The following GRID2 variants were observed in gnomAD, a reference collection of about 807,000 sequenced individuals.
GRID2 encodes the protein glutamate ionotropic receptor delta type subunit 2.
Under a neutral mutation model 114.8 loss-of-function variants are expected in GRID2, and 33 were observed. The ratio of observed to expected loss-of-function variants is 0.29; its 90% CI spans 0.22 to 0.38. The LOEUF (loss-of-function observed/expected upper bound fraction) is 0.38. Among genes scored for constraint, GRID2 ranks in the 10% least tolerant of loss-of-function variants. The pLI, the probability that GRID2 is intolerant of heterozygous loss-of-function variation, is 1.00. For missense variants in GRID2, 1,184 were observed against 1,257.7 expected (o/e 0.94, Z 0.89); for synonymous variants, 505 against 449.9 (o/e 1.12, Z -1.55).
intron 1 of GRID2, among the ~76,000 whole-genome samples, chr4:92,557,568 C>T (rs10020583): frequency 0.037 from 5,577 of 149,522 alleles, 342 homozygotes; most frequent in African/African-American, 0.13. Context: ...TAATACTTTA[C>T]TGCAGAAATA....
intron 13 of GRID2, among the ~76,000 whole-genome samples, chr4:93,553,129 A>G (rs1483926142): frequency 6.6e-6 from 1 of 152,152 alleles, no homozygotes; most frequent in Non-Finnish European, 1.5e-5. Flanking sequence ...ATGATTTATA[A>G]TCCTTAGGGT....
intron 4 of GRID2, among the ~76,000 whole-genome samples, chr4:93,197,378 TA>T: frequency 6.6e-6 from 1 of 152,262 alleles, no homozygotes; most frequent in African/African-American, 2.4e-5. Flanking sequence ...TCTTCATATT[TA>T]AAATGCACAT....
At chr4:93,805,007 C>A (rs1735003752) in intron 1 of GRID2, among the ~76,000 whole-genome samples, 1 of 152,118 alleles carries the variant, frequency 6.6e-6, no homozygotes, top group African/African-American at 2.4e-5. Flanking sequence ...ATGTTGTATA[C>A]CAGTGCATTT....
At chr4:92,682,681 GGCACACACAC>G (rs1733705803) in intron 2 of GRID2, among the ~76,000 whole-genome samples, 1 of 108,022 alleles carries the variant, frequency 9.3e-6, no homozygotes, top group South Asian at 3.5e-4. Context: ...AAAATCGCAG[GGCACACACAC>G]ACACACACAC....
At chr4:92,685,086 T>C (rs1209276346) in intron 2 of GRID2, among the ~76,000 whole-genome samples, 2 of 152,052 alleles carry the variant, frequency 1.3e-5, no homozygotes, top group African/African-American at 2.4e-5. Flanking sequence ...TAAATTTATT[T>C]TACTAAATCT....
At chr4:93,723,712 C>T (rs757472417) in intron 14 of GRID2, among the ~76,000 whole-genome samples, 1 of 152,128 alleles carries the variant, frequency 6.6e-6, no homozygotes, top group East Asian at 1.9e-4. Flanking sequence ...ACTAATGGAT[C>T]GATGTAATAG....
At chr4:92,561,186 G>A (rs928329509) in intron 1 of GRID2, among the ~76,000 whole-genome samples, 1 of 152,176 alleles carries the variant, frequency 6.6e-6, no homozygotes, top group Admixed American at 6.5e-5. Context: ...TTGATGTGTG[G>A]AAGTCTTTGA....
chr4:92,569,012 C>T (rs575788132), intron 1 of GRID2, among the ~76,000 whole-genome samples: 6 of 151,858 alleles, frequency 4.0e-5, no homozygotes, highest in South Asian at 2.1e-4. Context: ...CAAGACATGC[C>T]GGCTTGTTAA....
At chr4:93,787,065 A>G (rs931563436) in intron 1 of GRID2, among the ~76,000 whole-genome samples, 1 of 151,584 alleles carries the variant, frequency 6.6e-6, no homozygotes, top group Admixed American at 6.6e-5. Context: ...GGTTCCTTCT[A>G]TCTAGTTGCT....
intron 2 of GRID2, among the ~76,000 whole-genome samples, chr4:93,021,251 T>C (rs1723257825): frequency 1.3e-5 from 2 of 151,624 alleles, no homozygotes; most frequent in Admixed American, 1.3e-4. Flanking sequence ...ATACTCTTTG[T>C]AAGCATTCCA....
chr4:92,789,649 A>G (rs1739484298), intron 2 of GRID2, among the ~76,000 whole-genome samples: 1 of 151,774 alleles, frequency 6.6e-6, no homozygotes, highest in Non-Finnish European at 1.5e-5. Context: ...GTTATTTATA[A>G]TTTCTTGCTA....
chr4:93,316,549 AAGAG>A (rs1419853732), intron 8 of GRID2, among the ~76,000 whole-genome samples: 2 of 152,144 alleles, frequency 1.3e-5, no homozygotes, highest in East Asian at 3.9e-4. Flanking sequence ...TCAGTGAAAG[AAGAG>A]AGAATTAAAA....
chr4:92,546,356 C>T (rs770006072), intron 1 of GRID2, among the ~76,000 whole-genome samples: 4 of 152,124 alleles, frequency 2.6e-5, no homozygotes, highest in Non-Finnish European at 4.4e-5. Context: ...TTTTCCCCAT[C>T]GTGCCATGTT....
intron 2 of GRID2, among the ~76,000 whole-genome samples, chr4:92,736,101 T>C (rs1031683020): frequency 1.4e-4 from 21 of 152,114 alleles, no homozygotes; most frequent in Non-Finnish European, 5.9e-5. Flanking sequence ...ATGGAGAGAT[T>C]GCCCCAGATT....
intron 2 of GRID2, among the ~76,000 whole-genome samples, chr4:92,853,709 A>T (rs1199259024): frequency 2.0e-5 from 3 of 152,070 alleles, no homozygotes; most frequent in Non-Finnish European, 4.4e-5. Context: ...TAAAGAGCAT[A>T]TAAGTCTGAT....
At chr4:93,013,232 G>C (rs1722358228) in intron 2 of GRID2, among the ~76,000 whole-genome samples, 1 of 152,036 alleles carries the variant, frequency 6.6e-6, no homozygotes, top group South Asian at 2.1e-4. Context: ...AAATAAGTAG[G>C]TGGATGATCT....
intron 10 of GRID2, among the ~76,000 whole-genome samples, chr4:93,436,731 A>G (rs1473534381): frequency 6.6e-6 from 1 of 152,156 alleles, no homozygotes; most frequent in Non-Finnish European, 1.5e-5. Context: ...TAAAAGTGTA[A>G]TGGTGACTTG....
chr4:93,595,959 G>A (rs1739037583), intron 13 of GRID2, among the ~76,000 whole-genome samples: 1 of 152,126 alleles, frequency 6.6e-6, no homozygotes, highest in South Asian at 2.1e-4. Context: ...AACTCCACAA[G>A]GAAAGTATTT....
At chr4:93,783,733 G>T (rs1734527993) in intron 1 of GRID2, among the ~76,000 whole-genome samples, 1 of 152,080 alleles carries the variant, frequency 6.6e-6, no homozygotes, top group Non-Finnish European at 1.5e-5. Flanking sequence ...GACCTTTCCA[G>T]TCTTCTCCCC....
Sources: allele counts gnomAD v4.1 joint callset (sites outside exome capture counted in the v4.1 genomes callset), GRCh38; gene constraint gnomAD v4.1.1; transcripts MANE v1.5; gene names NCBI Gene and HGNC (gene_info 2026-07-23, HGNC 2026-07-21).